The following GSN variants were observed in gnomAD, a reference collection of about 807,000 sequenced individuals.
The protein encoded by GSN is actin-depolymerizing factor.
In GSN, 56 loss-of-function variants were observed where a neutral mutation model predicts 85.7. The ratio of observed to expected loss-of-function variants is 0.65; its 90% CI spans 0.53 to 0.82. GSN has a LOEUF of 0.82. Ranked by LOEUF, GSN falls within the 40% of genes least tolerant of loss-of-function variation. The pLI is 0.00. For synonymous variants in GSN, 373 were observed against 399.1 expected (o/e 0.93, Z 0.78); for missense variants, 857 against 979.8 (o/e 0.87, Z 1.67).
At chr9:121,312,587 A>G (rs373256147) in intron 6 of GSN, 99 bp downstream of exon 6, 2 of 950,358 alleles carry the variant, frequency 2.1e-6, no homozygotes, top group East Asian at 2.7e-5. Flanking sequence ...GGAAAAAAAA[A>G]AACTTCCGCT....
chr9:121,268,880 C>G (rs1356027266), intron 1 of GSN, among the ~76,000 whole-genome samples: 1 of 152,164 alleles, frequency 6.6e-6, no homozygotes, highest in Admixed American at 6.5e-5. Flanking sequence ...GGTCCAGCCC[C>G]CCAGAACCTA....
rs1335530398 is a variant in GSN at position 121,332,807 on chromosome 9, G to C, written c.*204G>C. Reference sequence around the variant, plus strand: ...AAAATTGTCTAAAATGTCAGTGTTTGGGAAATTAAATCCAATAAAAACATT... The same window carrying C: ...AAAATTGTCTAAAATGTCAGTGTTTCGGAAATTAAATCCAATAAAAACATT... On this transcript the variant is annotated 3_prime_UTR_variant, in exon 18 of 18. Coordinates refer to ENST00000432226, the MANE Select transcript of GSN (RefSeq NM_198252.3). The surrounding 1 kb of genome is among the most constrained non-coding windows in gnomAD (Gnocchi z 4.8). 1 of 584,752 alleles carries C rather than the reference G, an allele frequency of 1.7e-6. No individual in the cohort carries two copies. Among genetic ancestry groups the C allele is most frequent in the Non-Finnish European group, 3.0e-6 (1 of 329,514 alleles). The allele number at this position is 584,752 out of a possible 1,614,324, so 36.2% of individuals were successfully genotyped here.
exon 4 of GSN, chr9:121,210,817 G>C (rs1472111223): frequency 6.6e-6 from 1 of 152,176 alleles, no homozygotes; most frequent in African/African-American, 2.4e-5. Flanking sequence ...CCATAACCAG[G>C]CACTGTGTAA....
upstream of GSN, among the ~76,000 whole-genome samples, chr9:121,206,785 G>C (rs1308270718): frequency 6.6e-6 from 1 of 151,634 alleles, no homozygotes; most frequent in African/African-American, 2.4e-5. Context: ...GACTAAGTCT[G>C]GCTCTGTCAC....
intron 2 of GSN, among the ~76,000 whole-genome samples, chr9:121,293,099 T>C (rs1336246639): frequency 6.6e-6 from 1 of 152,174 alleles, no homozygotes; most frequent in South Asian, 2.1e-4. Flanking sequence ...TGTGGCACCA[T>C]CATCTGATGT....
At chr9:121,255,050 A>G (rs1588493681) in intron 6 of GSN, among the ~76,000 whole-genome samples, 1 of 151,818 alleles carries the variant, frequency 6.6e-6, no homozygotes, top group Non-Finnish European at 1.5e-5. Flanking sequence ...CTGGGTTCAC[A>G]CCATTCTCCT....
chr9:121,225,474 A>G (rs2054255906), intron 4 of GSN, among the ~76,000 whole-genome samples: 1 of 152,242 alleles, frequency 6.6e-6, no homozygotes, highest in Non-Finnish European at 1.5e-5. Flanking sequence ...CACGGCTGTT[A>G]GAGCTGTCAT....
intron 1 of GSN, among the ~76,000 whole-genome samples, chr9:121,276,781 G>A (rs140640553): frequency 8.2e-4 from 125 of 151,704 alleles, no homozygotes; most frequent in African/African-American, 3.0e-3. Context: ...GGTGGTGGTC[G>A]GGTCCTGTAG....
intron 4 of GSN, among the ~76,000 whole-genome samples, chr9:121,224,384 C>T (rs1040792923): frequency 6.6e-6 from 1 of 152,190 alleles, no homozygotes; most frequent in African/African-American, 2.4e-5. Flanking sequence ...CAGGCGTGAG[C>T]CACCGCGCCC....
chr9:121,286,781 G>A, intron 2 of GSN: 1 of 1,529,870 alleles, frequency 6.5e-7, no homozygotes. Flanking sequence ...TTTTAAAGGT[G>A]TGTAGAAGTG....
chr9:121,236,257 T>A (rs2054490593), intron 5 of GSN, among the ~76,000 whole-genome samples: 1 of 152,198 alleles, frequency 6.6e-6, no homozygotes, highest in Non-Finnish European at 1.5e-5. Context: ...TCTTGCTGTG[T>A]TGCCTAGGCT....
intron 1 of GSN, among the ~76,000 whole-genome samples, chr9:121,278,892 G>C (rs1284514242): frequency 2.6e-5 from 4 of 152,218 alleles, no homozygotes; most frequent in Non-Finnish European, 4.4e-5. Context: ...TGCTTTTCTT[G>C]CCCATAGATG....
chr9:121,203,071 G>C (rs1234908846), upstream of GSN: 1 of 152,026 alleles, frequency 6.6e-6, no homozygotes, highest in Non-Finnish European at 1.5e-5. Context: ...AGCTTGCAGT[G>C]AGCCGAGATC....
intron 5 of GSN, among the ~76,000 whole-genome samples, chr9:121,236,604 G>T (rs2054498849): frequency 1.3e-5 from 2 of 152,072 alleles, no homozygotes; most frequent in African/African-American, 4.8e-5. Context: ...GAGAAAAAAA[G>T]AAAAGAAATT....
chr9:121,215,563 G>A (rs1159735326), intron 4 of GSN, among the ~76,000 whole-genome samples: 1 of 151,872 alleles, frequency 6.6e-6, no homozygotes, highest in East Asian at 1.9e-4. Context: ...GTGTGGCGGC[G>A]AGTGCCTATA....
In GSN at chr9:121,310,609, A is replaced by G. The variant is rs1197478864; in HGVS notation, c.352-75A>G. 12 of 1,459,950 alleles carry G rather than the reference A, an allele frequency of 8.2e-6. No homozygotes were observed. In the Admixed American group the frequency reaches 1.2e-4, roughly 15 times the overall value. The allele number at this position is 1,459,950 out of a possible 1,614,324, so 90.4% of individuals were successfully genotyped here. Reference sequence around the variant, plus strand: ...ACAAGCCAGAATTTCCTTTACCTCAATTCTGTCCCCTTCTTCCATATCTGC... The same window carrying G: ...ACAAGCCAGAATTTCCTTTACCTCAGTTCTGTCCCCTTCTTCCATATCTGC... On this transcript the variant is annotated intron_variant, in intron 4 of 17. Transcript: ENST00000432226.
intron 14 of GSN, 152 bp from the exon 15 acceptor site, chr9:121,328,739 C>A: frequency 1.2e-6 from 1 of 837,848 alleles, no homozygotes; most frequent in Non-Finnish European, 2.0e-6. Context: ...TCCCTCAGGC[C>A]TCTTCCCTCT....
chr9:121,286,062 A>C, intron 2 of GSN: 1 of 1,497,630 alleles, frequency 6.7e-7, no homozygotes. Context: ...TTTCCAGACT[A>C]ATCCTGAGTC....
intron 6 of GSN, 26 bp from the exon 7 acceptor site, chr9:121,313,908 C>G: frequency 6.4e-7 from 1 of 1,573,398 alleles, no homozygotes; most frequent in Non-Finnish European, 8.8e-7. Flanking sequence ...AGCCACCCTT[C>G]CTCTCCATCT....
Sources: allele counts gnomAD v4.1 joint callset (sites outside exome capture counted in the v4.1 genomes callset), GRCh38; gene constraint gnomAD v4.1.1; non-coding constraint Gnocchi (gnomAD v3.1); transcripts MANE v1.5; gene names NCBI Gene and HGNC (gene_info 2026-07-23, HGNC 2026-07-21).